UBE3A: variants seen among roughly 807,000 people sequenced by gnomAD.
UBE3A encodes ubiquitin-protein ligase E3A.
In UBE3A, 6 loss-of-function variants were observed where a neutral mutation model predicts 83.4. The observed-to-expected ratio is 0.07, with a 90% CI of 0.04 to 0.14. The LOEUF (loss-of-function observed/expected upper bound fraction) is 0.14. Ranked by LOEUF, UBE3A falls within the 10% of genes least tolerant of loss-of-function variation. UBE3A has a pLI of 1.00. For synonymous variants in UBE3A, 337 were observed against 355.4 expected, an observed-to-expected ratio of 0.95 and a Z score of 0.58; for missense variants, 456 against 1,036.1, an observed-to-expected ratio of 0.44 and a Z score of 7.69.
At chr15:25,345,847 G>A (rs911398093) in intron 11 of UBE3A, 5 of 151,962 alleles carry the variant, frequency 3.3e-5, no homozygotes, top group African/African-American at 9.7e-5. Flanking sequence ...AATTAGAAAT[G>A]CAAGGAAAAA....
intron 4 of UBE3A, among the ~76,000 whole-genome samples, chr15:25,383,004 C>G (rs2082464369): frequency 6.6e-6 from 1 of 152,006 alleles, no homozygotes; most frequent in African/African-American, 2.4e-5. Flanking sequence ...AACTAACAAC[C>G]CTTCTCAAAC....
chr15:25,392,800 G>C (rs181408330), intron 4 of UBE3A, among the ~76,000 whole-genome samples: 22 of 152,172 alleles, frequency 1.4e-4, no homozygotes, highest in Admixed American at 1.3e-3. Flanking sequence ...AGAGCCTAAA[G>C]TTCAAGAAAA....
chr15:25,351,459 T>TA (rs1277758061), intron 11 of UBE3A, among the ~76,000 whole-genome samples: 1 of 152,146 alleles, frequency 6.6e-6, no homozygotes, highest in Non-Finnish European at 1.5e-5. Flanking sequence ...GGGAAGGAAA[T>TA]AAACTCTGAA....
At chr15:25,396,423 T>G (rs567044734) in intron 4 of UBE3A, among the ~76,000 whole-genome samples, 1 of 151,810 alleles carries the variant, frequency 6.6e-6, no homozygotes, top group African/African-American at 2.4e-5. Flanking sequence ...CTGGGCAACA[T>G]AGTGAGACCC....
chr15:25,413,411 T>C (rs1299106756), intron 1 of UBE3A, among the ~76,000 whole-genome samples: 2 of 152,106 alleles, frequency 1.3e-5, no homozygotes, highest in Admixed American at 1.3e-4. Context: ...ACACTTCTGT[T>C]CTCCTTTGCA....
At chr15:25,420,108 C>T (rs1187797051) in intron 1 of UBE3A, among the ~76,000 whole-genome samples, 1 of 151,962 alleles carries the variant, frequency 6.6e-6, no homozygotes, top group Non-Finnish European at 1.5e-5. Context: ...CAACTATATG[C>T]TATCTAAAAG....
Position 25,375,829 on chromosome 15 carries a change from A to G in UBE3A, c.63-66T>C. ...AGCTCTCAAGTACAAAGCTCAACAT[A>G]TCATCAAGGCAAAAGTTAGTCAAGC... On this transcript the variant is annotated intron_variant, in intron 4 of 12. Coordinates refer to ENST00000648336, the MANE Select transcript of UBE3A (RefSeq NM_130839.5). 3 of 1,226,664 alleles carry G rather than the reference A, an allele frequency of 2.4e-6. No homozygotes were observed. In the Admixed American group the frequency reaches 6.0e-5, roughly 24 times the overall value. 76.0% of individuals were successfully genotyped at this position (1,226,664 alleles called of 1,614,324 possible). A position where few individuals can be genotyped will look rare whatever the true frequency, so the allele number is the denominator to read the frequency against.
At chr15:25,339,332 T>A in intron 12 of UBE3A, 75 bp from the exon 13 acceptor site, 1 of 1,562,510 alleles carries the variant, frequency 6.4e-7, no homozygotes, top group Non-Finnish European at 8.7e-7. Context: ...AATGCTCCTA[T>A]TTTTAGATTG....
intron 11 of UBE3A, among the ~76,000 whole-genome samples, chr15:25,348,260 C>T (rs553450769): frequency 2.0e-5 from 3 of 151,926 alleles, no homozygotes; most frequent in East Asian, 1.9e-4. Flanking sequence ...TGATTTTTAA[C>T]GTATGTGAAA....
chr15:25,344,862 C>T (rs148239005), intron 11 of UBE3A, among the ~76,000 whole-genome samples: 2 of 151,952 alleles, frequency 1.3e-5, no homozygotes, highest in South Asian at 2.1e-4. Context: ...AATGAGATAA[C>T]AGATTAAGGT....
intron 1 of UBE3A, chr15:25,415,588 A>G (rs1172372163): frequency 6.6e-6 from 1 of 152,000 alleles, no homozygotes; most frequent in African/African-American, 2.4e-5. Context: ...CATTCTAAAC[A>G]CTGTATCTCA....
At chr15:25,366,898 T>C (rs1264139660) in intron 6 of UBE3A, among the ~76,000 whole-genome samples, 1 of 152,106 alleles carries the variant, frequency 6.6e-6, no homozygotes, top group Non-Finnish European at 1.5e-5. Context: ...GGCTCTACAA[T>C]ACAGCTTCTA....
chr15:25,400,668 C>G (rs1336006461), intron 4 of UBE3A, among the ~76,000 whole-genome samples: 5 of 152,100 alleles, frequency 3.3e-5, no homozygotes, highest in Non-Finnish European at 7.3e-5. Context: ...TTATATCTTA[C>G]AACTTTACTG....
At chr15:25,416,022 T>C (rs2090851412) in intron 1 of UBE3A, among the ~76,000 whole-genome samples, 1 of 152,122 alleles carries the variant, frequency 6.6e-6, no homozygotes, top group Non-Finnish European at 1.5e-5. Context: ...ACCAAAACAA[T>C]TGTTTCTAAT....
At position 25,396,437 on chromosome 15, in the gene UBE3A, C is replaced by T. The variant is rs113411455; in HGVS notation, c.62+9024G>A. Among the ~76,000 whole-genome samples the T allele has an allele frequency of 2.0e-3, 308 of 152,002 alleles. 2 individuals are homozygous for T. The highest frequency in any genetic ancestry group is 7.0e-3 in the African/African-American group (292 of 41,454). On this transcript the variant is annotated intron_variant, in intron 4 of 12. Transcript: ENST00000648336. The stretch of plus-strand genomic sequence containing the variant: ...CCTGGGCAACATAGTGAGACCCTGT[C>T]TCTACAAAAAACAAACAAACAAACA...
chr15:25,436,239 A>C (rs1895043635), intron 1 of UBE3A, among the ~76,000 whole-genome samples: 1 of 152,222 alleles, frequency 6.6e-6, no homozygotes, highest in Non-Finnish European at 1.5e-5. Flanking sequence ...ATTTTACCGA[A>C]AGATCACTTC....
intron 1 of UBE3A, chr15:25,417,838 T>TA (rs1035509812): frequency 7.3e-5 from 11 of 150,196 alleles, no homozygotes; most frequent in Non-Finnish European, 1.5e-4. Context: ...GTAAAGGTGG[T>TA]AAAAAATATA....
chr15:25,392,669 T>G (rs2084671891), intron 4 of UBE3A, among the ~76,000 whole-genome samples: 1 of 152,030 alleles, frequency 6.6e-6, no homozygotes, highest in African/African-American at 2.4e-5. Context: ...GACTAGGAGC[T>G]GATGACACTA....
intron 11 of UBE3A, among the ~76,000 whole-genome samples, chr15:25,353,217 T>C (rs2076761455): frequency 6.6e-6 from 1 of 152,114 alleles, no homozygotes; most frequent in African/African-American, 2.4e-5. Flanking sequence ...TAAGAGTAAA[T>C]ACATTCACCA....
Sources: allele counts gnomAD v4.1 joint callset (sites outside exome capture counted in the v4.1 genomes callset), GRCh38; gene constraint gnomAD v4.1.1; transcripts MANE v1.5; gene names NCBI Gene and HGNC (gene_info 2026-07-23, HGNC 2026-07-21).